Variants in PRKG1 observed in about 807,000 individuals in gnomAD.
The protein encoded by PRKG1 is cGMP-dependent protein kinase 1.
In PRKG1, 35 loss-of-function variants were observed where a neutral mutation model predicts 88.1. The ratio of observed to expected loss-of-function variants is 0.40; its 90% confidence interval spans 0.30 to 0.53. PRKG1 has a LOEUF of 0.53. PRKG1 is among the 20% of genes least tolerant of loss of function. PRKG1 has a pLI of 0.59. For missense variants in PRKG1, 540 were observed against 839.8 expected, an observed-to-expected ratio of 0.64 and a Z score of 4.41; for synonymous variants, 303 against 292.5, an observed-to-expected ratio of 1.04 and a Z score of -0.37.
chr10:51,810,199 A>G (rs1418165021), intron 4 of PRKG1, among the ~76,000 whole-genome samples: 1 of 152,230 alleles, frequency 6.6e-6, no homozygotes, highest in East Asian at 1.9e-4. Flanking sequence ...AAATAATTGT[A>G]AAGTTCACAG....
intron 2 of PRKG1, among the ~76,000 whole-genome samples, chr10:51,393,414 C>T (rs1252789702): frequency 2.2e-5 from 3 of 135,074 alleles, no homozygotes; most frequent in South Asian, 5.0e-4. Context: ...AACTCCCAGA[C>T]GATGGGCGGC....
intron 2 of PRKG1, among the ~76,000 whole-genome samples, chr10:51,420,485 C>A (rs557620883): frequency 6.6e-6 from 1 of 152,224 alleles, no homozygotes; most frequent in Non-Finnish European, 1.5e-5. Context: ...ACCTGGGGTG[C>A]TTTGAAAATT....
At chr10:51,066,478 C>T (rs1843751030) in intron 1 of PRKG1, among the ~76,000 whole-genome samples, 1 of 152,046 alleles carries the variant, frequency 6.6e-6, no homozygotes, top group African/African-American at 2.4e-5. Flanking sequence ...GTGTTCTTGT[C>T]TCAGATATTG....
At chr10:51,292,221 T>A (rs1316254040) in intron 2 of PRKG1, among the ~76,000 whole-genome samples, 1 of 152,182 alleles carries the variant, frequency 6.6e-6, no homozygotes, top group Non-Finnish European at 1.5e-5. Context: ...AGGGAACACT[T>A]CTGAATTCTA....
At chr10:52,143,462 C>A (rs1391316067) in intron 8 of PRKG1, among the ~76,000 whole-genome samples, 1 of 152,116 alleles carries the variant, frequency 6.6e-6, no homozygotes. Flanking sequence ...CCAAATGTCT[C>A]CTGTGGGGTG....
intron 2 of PRKG1, among the ~76,000 whole-genome samples, chr10:51,261,277 T>G (rs879323668): frequency 2.0e-5 from 3 of 152,248 alleles, no homozygotes; most frequent in Non-Finnish European, 4.4e-5. Context: ...AATTTTGGAT[T>G]GCAACACTTC....
chr10:51,444,999 T>C (rs1004193008), intron 2 of PRKG1, among the ~76,000 whole-genome samples: 4 of 151,984 alleles, frequency 2.6e-5, no homozygotes, highest in Admixed American at 1.3e-4. Flanking sequence ...GTAAGAGGGA[T>C]GTTACAGTGC....
intron 2 of PRKG1, among the ~76,000 whole-genome samples, chr10:51,286,851 C>G (rs1033839427): frequency 2.0e-5 from 3 of 152,140 alleles, no homozygotes; most frequent in Non-Finnish European, 2.9e-5. Flanking sequence ...AGAGATTGTT[C>G]AAAGCCATAG....
intron 2 of PRKG1, among the ~76,000 whole-genome samples, chr10:51,345,268 T>C (rs1842087142): frequency 6.6e-6 from 1 of 152,228 alleles, no homozygotes; most frequent in African/African-American, 2.4e-5. Context: ...CTAGTGTTTT[T>C]ATTATTACAA....
At chr10:51,898,208 A>T (rs894841161) in intron 4 of PRKG1, among the ~76,000 whole-genome samples, 15 of 152,180 alleles carry the variant, frequency 9.9e-5, no homozygotes, top group African/African-American at 3.6e-4. Flanking sequence ...CTTTAAAGTG[A>T]GGACATCCTG....
chr10:52,188,263 C>CACATATATATATACACATAT (rs1839261949), intron 9 of PRKG1, among the ~76,000 whole-genome samples: 5 of 87,298 alleles, frequency 5.7e-5, no homozygotes, highest in African/African-American at 3.0e-4. Context: ...TATATATATA[C>CACATATATATATACACATAT]ATATGTATAT....
At chr10:51,113,391 G>T (rs1845025056) in intron 1 of PRKG1, among the ~76,000 whole-genome samples, 1 of 152,100 alleles carries the variant, frequency 6.6e-6, no homozygotes, top group South Asian at 2.1e-4. Flanking sequence ...GTTATTCAGG[G>T]TGTTATCTGT....
At chr10:51,026,753 G>A (rs765128204) in intron 1 of PRKG1, among the ~76,000 whole-genome samples, 3 of 152,116 alleles carry the variant, frequency 2.0e-5, no homozygotes, top group Non-Finnish European at 4.4e-5. Context: ...TGTCAGTGAT[G>A]GTGGGGAATT....
intron 3 of PRKG1, among the ~76,000 whole-genome samples, chr10:51,761,228 T>C (rs1300091241): frequency 6.6e-6 from 1 of 152,250 alleles, no homozygotes; most frequent in African/African-American, 2.4e-5. Context: ...TCTTAAACAT[T>C]TGTGTCTTTA....
intron 5 of PRKG1, among the ~76,000 whole-genome samples, chr10:51,944,115 A>G (rs1378898150): frequency 6.6e-6 from 1 of 152,036 alleles, no homozygotes; most frequent in South Asian, 2.1e-4. Flanking sequence ...GCTATTGATT[A>G]TTGCCACAAT....
intron 2 of PRKG1, among the ~76,000 whole-genome samples, chr10:51,227,701 A>G (rs1191653826): frequency 6.6e-6 from 1 of 152,206 alleles, no homozygotes; most frequent in African/African-American, 2.4e-5. Flanking sequence ...GAGTTCAGCA[A>G]CAGCGAAGGG....
In PRKG1 at chr10:52,280,904, C is replaced by T. The variant is rs1050128985; in HGVS notation, c.1519C>T (p.Leu507=). 4.3e-6 allele frequency: 7 copies of T among 1,613,242 alleles called. No homozygotes were observed. In the African/African-American group the frequency reaches 8.0e-5, roughly 18 times the overall value. ...YRDLKPENLI[L]DHRGYAKLVD... Reference sequence around the variant, plus strand: ...GGACCTCAAGCCAGAAAATCTCATCCTAGATCACCGAGGTTATGCCAAACT... The same window carrying T: ...GGACCTCAAGCCAGAAAATCTCATCTTAGATCACCGAGGTTATGCCAAACT... Residue 507 remains leucine, a synonymous_variant, in exon 13 of 18, where the codon CTA becomes TTA. Transcript: ENST00000373980.
chr10:52,060,237 C>G (rs1846206462), intron 6 of PRKG1, among the ~76,000 whole-genome samples: 1 of 151,076 alleles, frequency 6.6e-6, no homozygotes, highest in Non-Finnish European at 1.5e-5. Flanking sequence ...TTAGCTCACA[C>G]CATACATAAT....
intron 5 of PRKG1, among the ~76,000 whole-genome samples, chr10:51,936,861 T>C (rs1407567421): frequency 1.3e-5 from 2 of 152,052 alleles, no homozygotes. Context: ...ATGACATTCA[T>C]ATTAGAAACA....
Sources: allele counts gnomAD v4.1 joint callset (sites outside exome capture counted in the v4.1 genomes callset), GRCh38; gene constraint gnomAD v4.1.1; transcripts MANE v1.5; gene names NCBI Gene and HGNC (gene_info 2026-07-23, HGNC 2026-07-21).